The following TRDMT1 variants were observed in gnomAD, a reference collection of about 807,000 sequenced individuals.
TRDMT1 encodes the protein tRNA (cytosine(38)-C(5))-methyltransferase.
In TRDMT1, 49 loss-of-function variants were observed where a neutral mutation model predicts 51.2. The observed-to-expected ratio is 0.96, with a 90% CI of 0.76 to 1.21. The LOEUF is 1.21. Ranked by LOEUF, TRDMT1 falls within the 50% of genes most tolerant of loss-of-function variation. The pLI, the probability that TRDMT1 is intolerant of heterozygous loss-of-function variation, is 0.00. For synonymous variants in TRDMT1, 187 were observed against 164.6 expected, an observed-to-expected ratio of 1.14 and a Z score of -1.04; for missense variants, 534 against 462.3, an observed-to-expected ratio of 1.16 and a Z score of -1.42.
chr10:17,144,383 G>C lies in TRDMT1; in HGVS notation c.*4657C>G, dbSNP rs1404815531. The C allele has an allele frequency of 9.1e-6, 9 of 985,370 alleles. No homozygotes were observed. The highest frequency in any genetic ancestry group is 1.1e-5 in the Non-Finnish European group (9 of 829,908). The allele number at this position is 985,370 out of a possible 1,614,324, so 61.0% of individuals were successfully genotyped here. A position where few individuals can be genotyped will look rare whatever the true frequency, so the allele number is the denominator to read the frequency against. Reference sequence around the variant, plus strand: ...AAGCAAAGAAATGAAAAAACCCTAGGCTTATTCAGAAAAGAGTTCTATGGG... The same window carrying C: ...AAGCAAAGAAATGAAAAAACCCTAGCCTTATTCAGAAAAGAGTTCTATGGG... On this transcript the variant is annotated 3_prime_UTR_variant, in exon 11 of 11. Transcript: ENST00000377799.
At chr10:17,186,857 T>C (rs897528260) in intron 1 of TRDMT1, among the ~76,000 whole-genome samples, 1 of 152,214 alleles carries the variant, frequency 6.6e-6, no homozygotes, top group South Asian at 2.1e-4. Context: ...ATTAAAAGTT[T>C]ATAAATTCTA....
intron 1 of TRDMT1, among the ~76,000 whole-genome samples, chr10:17,190,365 C>T (rs537635737): frequency 1.4e-5 from 2 of 146,984 alleles, no homozygotes; most frequent in Non-Finnish European, 3.0e-5. Flanking sequence ...TAGATTTGCT[C>T]TCATACATCA....
intron 8 of TRDMT1, 112 bp from the exon 9 acceptor site, chr10:17,154,846 T>C: frequency 1.2e-6 from 1 of 842,736 alleles, no homozygotes. Context: ...CCTTCTGAAA[T>C]ATCTTGAATA....
chr10:17,161,851 G>T (rs373625908), intron 4 of TRDMT1, among the ~76,000 whole-genome samples: 8 of 152,226 alleles, frequency 5.3e-5, no homozygotes, highest in Admixed American at 2.0e-4. Flanking sequence ...GGCTTTAAGG[G>T]TTTGCACATA....
intron 10 of TRDMT1, chr10:17,150,449 T>A: frequency 1.0e-6 from 1 of 985,378 alleles, no homozygotes; most frequent in African/African-American, 1.7e-5. Flanking sequence ...TTTGCTACAT[T>A]CCTTTCTTAA....
In TRDMT1 at chr10:17,141,595, C is replaced by A. The variant is rs1342381273; in HGVS notation, c.*7445G>T. ...TGTTGGTTCTTCTGTTATTGTCCCA[C>A]AGGTCCCCAAGGCTCTGTTAATTTT... On this transcript the variant is annotated 3_prime_UTR_variant, in exon 11 of 11. Transcript: ENST00000377799. Among the ~76,000 whole-genome samples, 1 of 152,156 alleles carries A rather than the reference C, an allele frequency of 6.6e-6. No homozygotes were observed. Among genetic ancestry groups the A allele is most frequent in the African/African-American group, 2.4e-5 (1 of 41,452 alleles).
In TRDMT1 at chr10:17,147,065, G is replaced by A. The variant is rs745427945; in HGVS notation, c.*1975C>T. On this transcript the variant is annotated 3_prime_UTR_variant, in exon 11 of 11. Coordinates refer to ENST00000377799, the MANE Select transcript of TRDMT1 (RefSeq NM_004412.7). ...TTCAAGTATTTATAGTTGGTGCACA[G>A]TAACTCGACACTTATTTTGTATAAT... is the stretch of plus-strand genomic sequence containing the variant. 2,305 of 985,692 alleles carry A rather than the reference G, an allele frequency of 2.3e-3. 3 individuals carry two copies. Among genetic ancestry groups the A allele is most frequent in the Non-Finnish European group, 2.7e-3 (2,224 of 829,884 alleles). 61.1% of individuals were successfully genotyped at this position (985,692 alleles called of 1,614,324 possible).
chr10:17,188,945 A>G lies in TRDMT1; in HGVS notation c.64+12626T>C, dbSNP rs180946294. Among the ~76,000 whole-genome samples the G allele has an allele frequency of 1.6e-3, 239 of 152,328 alleles. 3 individuals carry two copies. Among genetic ancestry groups the G allele is most frequent in the Admixed American group, 0.014 (216 of 15,302 alleles). Reference sequence around the variant, plus strand: ...TCATCCTCCTAAAAATTACTTCTAGATCTTTAAATTCATTTCTATGGTTTC... The same window carrying G: ...TCATCCTCCTAAAAATTACTTCTAGGTCTTTAAATTCATTTCTATGGTTTC... On this transcript the variant is annotated intron_variant, in intron 1 of 10. Transcript: ENST00000377799.
intron 10 of TRDMT1, among the ~76,000 whole-genome samples, chr10:17,149,624 C>T (rs1838434348): frequency 6.6e-6 from 1 of 152,002 alleles, no homozygotes; most frequent in Admixed American, 6.6e-5. Context: ...AAAAAAATTT[C>T]GTACCTATTA....
At chr10:17,181,810 T>C (rs1301288017) in intron 1 of TRDMT1, among the ~76,000 whole-genome samples, 3 of 152,204 alleles carry the variant, frequency 2.0e-5, no homozygotes, top group East Asian at 1.9e-4. Flanking sequence ...TTACCTATCA[T>C]GTACTGAGCA....
chr10:17,142,816 G>T lies in TRDMT1; in HGVS notation c.*6224C>A. On this transcript the variant is annotated 3_prime_UTR_variant, in exon 11 of 11. Coordinates refer to ENST00000377799, the MANE Select transcript of TRDMT1 (RefSeq NM_004412.7). ...GGAACCATGTTGTTCCTCTAGTCTT[G>T]GGGTCCCTCCGCAGTGTGTCTTCCT... 2 of 239,474 alleles carry T rather than the reference G, an allele frequency of 8.4e-6. No individual in the cohort carries two copies. The highest frequency in any genetic ancestry group is 1.4e-5 in the Non-Finnish European group (2 of 147,918). The allele number at this position is 239,474 out of a possible 1,614,324, so 14.8% of individuals were successfully genotyped here. A position where few individuals can be genotyped will look rare whatever the true frequency, so the allele number is the denominator to read the frequency against.
chr10:17,151,630 T>TAG, intron 10 of TRDMT1: 5 of 982,136 alleles, frequency 5.1e-6, no homozygotes, highest in Non-Finnish European at 6.0e-6. Flanking sequence ...CAAAGGCTGT[T>TAG]TTTCTAAGTA....
At chr10:17,169,224 G>GT in intron 2 of TRDMT1, 2 of 755,150 alleles carry the variant, frequency 2.6e-6, no homozygotes, top group South Asian at 4.2e-5. Flanking sequence ...TAACACTGCT[G>GT]TTTTCTAGAG....
chr10:17,192,626 G>A (rs55979650), intron 1 of TRDMT1, among the ~76,000 whole-genome samples: 1 of 152,162 alleles, frequency 6.6e-6, no homozygotes, highest in Non-Finnish European at 1.5e-5. Flanking sequence ...GGCAGGAGCA[G>A]CAGGGTCCTT....
intron 2 of TRDMT1, among the ~76,000 whole-genome samples, chr10:17,173,318 G>A (rs930734179): frequency 2.6e-5 from 4 of 152,088 alleles, no homozygotes; most frequent in African/African-American, 9.7e-5. Flanking sequence ...TACACATATT[G>A]TAGTATATGA....
At chr10:17,159,074 T>TA in intron 7 of TRDMT1, 72 bp downstream of exon 7, 1 of 1,051,150 alleles carries the variant, frequency 9.5e-7, no homozygotes, top group Non-Finnish European at 1.3e-6. Context: ...TTCTTGAAAA[T>TA]AAATTAGCAG....
At chr10:17,179,313 G>A (rs557503953) in intron 1 of TRDMT1, among the ~76,000 whole-genome samples, 1 of 152,056 alleles carries the variant, frequency 6.6e-6, no homozygotes, top group African/African-American at 2.4e-5. Flanking sequence ...AAGCAATTTA[G>A]CTATTCACTT....
chr10:17,192,407 T>C (rs1363827877), intron 1 of TRDMT1, among the ~76,000 whole-genome samples: 1 of 152,180 alleles, frequency 6.6e-6, no homozygotes, highest in Admixed American at 6.5e-5. Flanking sequence ...ACAGAGAAGC[T>C]TATTTCAAAG....
At chr10:17,177,180 T>TTTTTTTTATTTATTTA (rs1554763689) in intron 1 of TRDMT1, among the ~76,000 whole-genome samples, 1 of 141,496 alleles carries the variant, frequency 7.1e-6, no homozygotes. Flanking sequence ...AACACATTTA[T>TTTTTTTTATTTATTTA]TTTATTTATT....
Sources: allele counts gnomAD v4.1 joint callset (sites outside exome capture counted in the v4.1 genomes callset), GRCh38; gene constraint gnomAD v4.1.1; transcripts MANE v1.5; gene names NCBI Gene and HGNC (gene_info 2026-07-23, HGNC 2026-07-21).